Variants in BRD10 observed in about 807,000 individuals in gnomAD.
BRD10 encodes uncharacterized bromodomain-containing protein 10.
At chr9:5,908,599 A>T in the BRD10 span, 1 of 1,527,224 alleles carries the variant, frequency 6.5e-7, no homozygotes, top group Non-Finnish European at 9.1e-7. Context: ...AAACACATAC[A>T]CTGTTGCCAA....
the BRD10 span, among the ~76,000 whole-genome samples, chr9:6,008,433 G>A: frequency 6.6e-6 from 1 of 152,030 alleles, no homozygotes; most frequent in African/African-American, 2.4e-5. Context: ...GAAGAGCTGT[G>A]GAGAGAAGCA....
At chr9:5,984,547 G>T in the BRD10 span, among the ~76,000 whole-genome samples, 4 of 152,080 alleles carry the variant, frequency 2.6e-5, no homozygotes, top group Admixed American at 1.3e-4. Flanking sequence ...TAATAAGAAA[G>T]AAGTCAATAC....
At chr9:5,921,544 A>G in the BRD10 span, 1 of 1,613,926 alleles carries the variant, frequency 6.2e-7, no homozygotes, top group East Asian at 2.2e-5. Context: ...TTCCATTGCC[A>G]GAAGAAAGAA....
At chr9:5,885,442 C>T in the BRD10 span, among the ~76,000 whole-genome samples, 1 of 151,768 alleles carries the variant, frequency 6.6e-6, no homozygotes, top group African/African-American at 2.4e-5. Flanking sequence ...TCGATCTCAG[C>T]TCACTGCAAC....
chr9:5,948,873 G>A, the BRD10 span, among the ~76,000 whole-genome samples: 1 of 151,964 alleles, frequency 6.6e-6, no homozygotes, highest in Non-Finnish European at 1.5e-5. Context: ...AATTATAATG[G>A]CATCTGCTAA....
the BRD10 span, chr9:5,922,249 A>C: frequency 1.9e-6 from 3 of 1,613,982 alleles, no homozygotes; most frequent in Non-Finnish European, 2.5e-6. Flanking sequence ...TGAAGGAACT[A>C]CCAGGATTTG....
chr9:5,939,733 C>G, the BRD10 span, among the ~76,000 whole-genome samples: 15 of 152,288 alleles, frequency 9.8e-5, no homozygotes, highest in East Asian at 2.7e-3. Flanking sequence ...GTTTTACAAC[C>G]TCAGCACAAC....
At chr9:5,969,452 A>C in the BRD10 span, 1 of 1,445,154 alleles carries the variant, frequency 6.9e-7, no homozygotes, top group Non-Finnish European at 9.3e-7. Flanking sequence ...GAAATTTAAC[A>C]AATTATACTA....
chr9:5,985,947 G>T, the BRD10 span, among the ~76,000 whole-genome samples: 2 of 152,034 alleles, frequency 1.3e-5, no homozygotes, highest in African/African-American at 2.4e-5. Flanking sequence ...GTTGGGTTGT[G>T]GGCACATAGG....
chr9:5,966,707 C>T, the BRD10 span, among the ~76,000 whole-genome samples: 3 of 152,144 alleles, frequency 2.0e-5, no homozygotes, highest in East Asian at 3.9e-4. Flanking sequence ...ATCTGCCCCC[C>T]TCGGCCTCCC....
chr9:5,902,638 T>C, the BRD10 span, among the ~76,000 whole-genome samples: 3 of 151,964 alleles, frequency 2.0e-5, no homozygotes, highest in African/African-American at 7.2e-5. Context: ...GCTAGGATTA[T>C]AGCATGTGCC....
At chr9:5,889,210 C>A in the BRD10 span, among the ~76,000 whole-genome samples, 37 of 152,360 alleles carry the variant, frequency 2.4e-4, 3 homozygotes, top group East Asian at 6.7e-3. Context: ...CACCTAACCA[C>A]ATGTCACACA....
chr9:5,881,314 T>C, the BRD10 span, among the ~76,000 whole-genome samples: 3 of 152,222 alleles, frequency 2.0e-5, no homozygotes, highest in South Asian at 4.2e-4. Flanking sequence ...TATAAGAATC[T>C]CAAACGGTCA....
At chr9:5,955,484 T>C in the BRD10 span, among the ~76,000 whole-genome samples, 1 of 152,224 alleles carries the variant, frequency 6.6e-6, no homozygotes, top group Non-Finnish European at 1.5e-5. Flanking sequence ...AATATAATCA[T>C]CTTGCAAGAA....
the BRD10 span, among the ~76,000 whole-genome samples, chr9:5,993,942 G>A: frequency 6.6e-6 from 1 of 151,808 alleles, no homozygotes; most frequent in Admixed American, 6.6e-5. Context: ...GGGGAATTCT[G>A]ACAAAAAAAT....
At chr9:5,943,339 C>G in the BRD10 span, among the ~76,000 whole-genome samples, 2 of 152,020 alleles carry the variant, frequency 1.3e-5, no homozygotes, top group African/African-American at 4.8e-5. Flanking sequence ...TTAAAAAATG[C>G]TCTAATTTAT....
chr9:5,900,702 T>C, the BRD10 span, among the ~76,000 whole-genome samples: 1 of 152,198 alleles, frequency 6.6e-6, no homozygotes, highest in Non-Finnish European at 1.5e-5. Context: ...AATTTCTCCC[T>C]TGGTTAACAA....
At chr9:6,007,081 G>T in the BRD10 span, 6 of 1,062,860 alleles carry the variant, frequency 5.6e-6, no homozygotes, top group Non-Finnish European at 8.2e-6. Flanking sequence ...CTCCAGCACC[G>T]ACTCAGCACC....
chr9:5,940,342 C>G, the BRD10 span, among the ~76,000 whole-genome samples: 1 of 151,960 alleles, frequency 6.6e-6, no homozygotes, highest in Non-Finnish European at 1.5e-5. Context: ...TACAGGCACG[C>G]GCCACTACAG....
Sources: gnomAD v4.1 joint callset for allele counts (sites outside exome capture counted in the v4.1 genomes callset) on GRCh38, gnomAD v4.1.1 for gene constraint, MANE v1.5 for transcripts, NCBI Gene and HGNC (gene_info 2026-07-23, HGNC 2026-07-21) for gene names.